Variants in NID2 observed in about 807,000 individuals in gnomAD.
NID2 encodes nidogen-2.
In NID2, 83 loss-of-function variants were observed where a neutral mutation model predicts 145.4. The observed-to-expected ratio is 0.57, with a 90% CI of 0.48 to 0.69. The LOEUF (loss-of-function observed/expected upper bound fraction) is 0.69. NID2 is among the 30% of genes least tolerant of loss of function. The pLI, the probability that NID2 is intolerant of heterozygous loss-of-function variation, is 0.00. For missense variants in NID2, 1,807 were observed against 1,765.7 expected (o/e 1.02, Z -0.42); for synonymous variants, 739 against 701.3 (o/e 1.05, Z -0.85).
At chr14:52,038,478 C>A (rs1293001755) in intron 9 of NID2, among the ~76,000 whole-genome samples, 1 of 152,198 alleles carries the variant, frequency 6.6e-6, no homozygotes, top group Non-Finnish European at 1.5e-5. Flanking sequence ...CAGGTATATT[C>A]CTGATTGGCA....
intron 14 of NID2, among the ~76,000 whole-genome samples, chr14:52,016,483 C>T (rs555442633): frequency 1.9e-4 from 29 of 152,310 alleles, no homozygotes; most frequent in African/African-American, 7.0e-4. Context: ...TTCCACTGCT[C>T]AGACCTAATT....
At chr14:52,032,048 C>T (rs539101200) in intron 9 of NID2, among the ~76,000 whole-genome samples, 11 of 152,214 alleles carry the variant, frequency 7.2e-5, no homozygotes, top group Non-Finnish European at 1.3e-4. Flanking sequence ...CTGGCATTCT[C>T]CCCCGTGCCT....
chr14:52,036,417 A>T (rs1221713958), intron 9 of NID2, among the ~76,000 whole-genome samples: 1 of 152,224 alleles, frequency 6.6e-6, no homozygotes, highest in East Asian at 1.9e-4. Context: ...ACTGATGGGC[A>T]TGTATGTTGC....
rs1329419634 is a variant in NID2, at chr14:52,038,981, C to A, written c.2027-4G>T. On this transcript the variant is annotated splice_region_variant and splice_polypyrimidine_tract_variant and intron_variant, in intron 8 of 21. Transcript: ENST00000216286. ...CTGGAACTTGTAGAGGTCACAGCTG[C>A]AACAAACACAGTGGTAATTTTTTAA... The A allele has an allele frequency of 6.3e-7, 1 of 1,580,220 alleles. No homozygotes were observed. Among genetic ancestry groups the A allele is most frequent in the African/African-American group, 1.4e-5 (1 of 73,542 alleles).
intron 2 of NID2, among the ~76,000 whole-genome samples, chr14:52,066,807 A>G (rs1322009509): frequency 6.6e-6 from 1 of 152,192 alleles, no homozygotes; most frequent in Non-Finnish European, 1.5e-5. Context: ...GTCTAATTCC[A>G]TAGAAGGAAG....
chr14:52,051,731 T>C (rs1162913840), intron 5 of NID2, among the ~76,000 whole-genome samples: 1 of 152,270 alleles, frequency 6.6e-6, no homozygotes, highest in Non-Finnish European at 1.5e-5. Context: ...ACTGGATTTT[T>C]TTTGTCTAAG....
intron 16 of NID2, 24 bp from the exon 17 acceptor site, chr14:52,011,707 T>C: frequency 6.2e-7 from 1 of 1,613,606 alleles, no homozygotes; most frequent in Non-Finnish European, 8.5e-7. Context: ...ATCATAGAAT[T>C]AGAAGAATTA....
chr14:52,014,243 G>A (rs1219543500), intron 16 of NID2, 44 bp downstream of exon 16: 2 of 1,613,594 alleles, frequency 1.2e-6, no homozygotes, highest in Non-Finnish European at 1.7e-6. Context: ...CTCCCACTGG[G>A]AAAGCCACGC....
intron 9 of NID2, among the ~76,000 whole-genome samples, chr14:52,030,067 A>G (rs2645745): frequency 0.93 from 141,870 of 152,228 alleles, 66,777 homozygotes; most frequent in Non-Finnish European, 1. Context: ...TAAGGAAATC[A>G]AGTGAGACAT....
chr14:52,045,968 C>T (rs1471214581), intron 5 of NID2, among the ~76,000 whole-genome samples: 1 of 152,158 alleles, frequency 6.6e-6, no homozygotes, highest in African/African-American at 2.4e-5. Context: ...TGCCAGAAGT[C>T]GCATTTCTTC....
chr14:52,017,881 T>C (rs918759159), intron 14 of NID2, among the ~76,000 whole-genome samples: 1 of 152,106 alleles, frequency 6.6e-6, no homozygotes. Context: ...GGCAGTGGCA[T>C]GATCTTGGCC....
intron 3 of NID2, among the ~76,000 whole-genome samples, chr14:52,056,275 A>G (rs1162255530): frequency 1.3e-5 from 2 of 152,228 alleles, no homozygotes; most frequent in Non-Finnish European, 2.9e-5. Context: ...TAAAAGCTAA[A>G]TAAAATAACC....
At chr14:52,014,161 G>A in intron 16 of NID2, 126 bp downstream of exon 16, 2 of 1,234,092 alleles carry the variant, frequency 1.6e-6, no homozygotes, top group Admixed American at 1.8e-5. Flanking sequence ...CATGCCGATG[G>A]GCTGCAGCTC....
intron 3 of NID2, among the ~76,000 whole-genome samples, chr14:52,059,736 T>G (rs769089796): frequency 2.0e-5 from 3 of 152,242 alleles, no homozygotes; most frequent in African/African-American, 7.2e-5. Context: ...TGTTTAACAG[T>G]ATCTGTCCAA....
intron 16 of NID2, 101 bp downstream of exon 16, chr14:52,014,186 A>G: frequency 6.8e-7 from 1 of 1,479,012 alleles, no homozygotes; most frequent in South Asian, 1.1e-5. Flanking sequence ...ACCCTCCAGG[A>G]CTTCCCTGCA....
Position 52,054,063 on chromosome 14 carries a change from A to G in NID2, c.1026T>C (p.Ile342=). The G allele has an allele frequency of 2.5e-6, 4 of 1,614,172 alleles. No homozygotes were observed. Among genetic ancestry groups the G allele is most frequent in the Non-Finnish European group, 2.5e-6 (3 of 1,180,040 alleles). The change falls in exon 4 of 22, where the codon ATT becomes ATC. Residue 342 remains isoleucine, a synonymous_variant. Coordinates refer to ENST00000216286, the MANE Select transcript of NID2 (RefSeq NM_007361.4). The part of the protein sequence containing the change: ...PEEALNGHSS[I]DVSFQSKVDT... Reference sequence around the variant, plus strand: ...CCACTTTGGATTGGAAGGAAACATCAATGCTGCTGTGGCCATTCAATGCCT... The same window carrying G: ...CCACTTTGGATTGGAAGGAAACATCGATGCTGCTGTGGCCATTCAATGCCT...
In NID2 at chr14:52,068,047, C is replaced by A. The variant is rs553050703; in HGVS notation, c.345G>T (p.Thr115=). ...ACAGGACTCGGCCTCTGCCGTGGCT[C>A]GTGTCGATGTCCGCCAGAAAAGGGG... ...AIAPFLADID[T]SHGRGRVLYR... Residue 115 remains threonine (T), a synonymous_variant, in exon 2 of 22, where the codon ACG becomes ACT. Coordinates refer to ENST00000216286, the MANE Select transcript of NID2 (RefSeq NM_007361.4). 3.1e-6 allele frequency: 5 copies of A among 1,613,694 alleles called. No individual in the cohort carries two copies. In the South Asian group the frequency reaches 5.5e-5, roughly 18 times the overall value.
Position 52,011,744 on chromosome 14 carries a change from C to T in NID2, c.3421-61G>A. On this transcript the variant is annotated intron_variant, in intron 16 of 21. Coordinates refer to ENST00000216286, the MANE Select transcript of NID2 (RefSeq NM_007361.4). ...GTTACATTTCCCCTTTGTTCACACTCAGCTGCCTTGCTCATGCACAGCTGC... is the reference window on the plus strand; with the variant it reads ...GTTACATTTCCCCTTTGTTCACACTTAGCTGCCTTGCTCATGCACAGCTGC... The T allele has an allele frequency of 4.4e-6, 7 of 1,597,884 alleles. 1 individual carries two copies. In the South Asian group the frequency reaches 5.6e-5, roughly 13 times the overall value.
chr14:52,046,725 CTT>C (rs1273619901), intron 5 of NID2, among the ~76,000 whole-genome samples: 20 of 152,218 alleles, frequency 1.3e-4, no homozygotes, highest in African/African-American at 4.8e-4. Flanking sequence ...TATTATGAGA[CTT>C]AAACTGTAAT....
Sources: allele counts gnomAD v4.1 joint callset (sites outside exome capture counted in the v4.1 genomes callset), GRCh38; gene constraint gnomAD v4.1.1; transcripts MANE v1.5; gene names NCBI Gene and HGNC (gene_info 2026-07-23, HGNC 2026-07-21).